Variants in SCAI observed in about 807,000 individuals in gnomAD.
SCAI encodes the protein protein SCAI.
In SCAI, 24 loss-of-function variants were observed where a neutral mutation model predicts 92.2. The observed-to-expected ratio is 0.26, with a 90% CI of 0.19 to 0.37. The LOEUF (loss-of-function observed/expected upper bound fraction) is 0.37, where lower values mean the gene tolerates loss of function less well. Ranked by LOEUF, SCAI falls within the 10% of genes least tolerant of loss-of-function variation. SCAI has a pLI of 1.00. For synonymous variants in SCAI, 261 were observed against 258.6 expected (o/e 1.01, Z -0.09); for missense variants, 450 against 736.2 (o/e 0.61, Z 4.50).
intron 9 of SCAI, among the ~76,000 whole-genome samples, chr9:125,016,268 G>T (rs1341513773): frequency 6.7e-6 from 1 of 150,366 alleles, no homozygotes; most frequent in Non-Finnish European, 1.5e-5. Flanking sequence ...CACACCTGTA[G>T]TCCCATCTAC....
At chr9:125,090,710 A>G (rs1183037073) in intron 2 of SCAI, among the ~76,000 whole-genome samples, 1 of 152,134 alleles carries the variant, frequency 6.6e-6, no homozygotes, top group African/African-American at 2.4e-5. Context: ...TGGACTCAAG[A>G]GATCTTCCCA....
intron 6 of SCAI, among the ~76,000 whole-genome samples, chr9:125,024,846 C>T (rs1290965267): frequency 6.6e-6 from 1 of 152,156 alleles, no homozygotes; most frequent in Non-Finnish European, 1.5e-5. Flanking sequence ...GTAATATCTC[C>T]TCTCCTAGGT....
intron 15 of SCAI, chr9:124,975,149 G>GT: frequency 3.3e-6 from 1 of 298,804 alleles, no homozygotes; most frequent in East Asian, 9.1e-5. Flanking sequence ...GAATTTTACC[G>GT]TTGTTTGAAG....
At chr9:125,050,956 G>T (rs538516172) in intron 3 of SCAI, among the ~76,000 whole-genome samples, 1 of 152,228 alleles carries the variant, frequency 6.6e-6, no homozygotes, top group East Asian at 1.9e-4. Flanking sequence ...AAATCCAAAA[G>T]CATTCAGAGA....
At chr9:125,139,958 G>A (rs1835627548) in intron 2 of SCAI, among the ~76,000 whole-genome samples, 1 of 152,318 alleles carries the variant, frequency 6.6e-6, no homozygotes, top group South Asian at 2.1e-4. Flanking sequence ...TGGGTATGGT[G>A]GCTCACGCCT....
chr9:125,073,643 C>A (rs976709139), intron 2 of SCAI, among the ~76,000 whole-genome samples: 1 of 152,248 alleles, frequency 6.6e-6, no homozygotes, highest in Non-Finnish European at 1.5e-5. Context: ...TGGCCATTTG[C>A]ATATCTTCTT....
chr9:125,132,517 C>T (rs1223354156), intron 2 of SCAI, among the ~76,000 whole-genome samples: 1 of 152,138 alleles, frequency 6.6e-6, no homozygotes, highest in Non-Finnish European at 1.5e-5. Flanking sequence ...AAAATCTATA[C>T]CTGAAGCCGT....
chr9:124,970,480 A>C (rs1258371556), intron 17 of SCAI, among the ~76,000 whole-genome samples: 1 of 152,018 alleles, frequency 6.6e-6, no homozygotes, highest in Non-Finnish European at 1.5e-5. Context: ...GCGCTTTGGA[A>C]GGCCAAGGCG....
chr9:125,055,733 G>T, intron 3 of SCAI, 143 bp downstream of exon 3: 1 of 504,590 alleles, frequency 2.0e-6, no homozygotes, highest in Non-Finnish European at 3.3e-6. Context: ...TAAAAATGAT[G>T]TCAAAGAAAA....
intron 3 of SCAI, among the ~76,000 whole-genome samples, chr9:125,046,701 A>AT (rs201449251): frequency 1.5e-5 from 2 of 133,268 alleles, no homozygotes; most frequent in Admixed American, 7.9e-5. Context: ...AACTACTGAA[A>AT]TTTAAAAAAA....
At chr9:125,089,986 T>A (rs1467782192) in intron 2 of SCAI, among the ~76,000 whole-genome samples, 2 of 152,152 alleles carry the variant, frequency 1.3e-5, no homozygotes, top group Non-Finnish European at 2.9e-5. Context: ...AAAGTTGAGG[T>A]GAAACCTAGA....
At chr9:125,046,183 A>G (rs1182259653) in intron 3 of SCAI, among the ~76,000 whole-genome samples, 2 of 123,882 alleles carry the variant, frequency 1.6e-5, no homozygotes, top group Non-Finnish European at 3.4e-5. Context: ...ACAAGTGAAT[A>G]AAGAAATTGT....
chr9:125,032,186 TATATA>T (rs1179655007), intron 3 of SCAI, among the ~76,000 whole-genome samples: 24 of 81,958 alleles, frequency 2.9e-4, no homozygotes, highest in African/African-American at 1.1e-3. Context: ...TATATATATA[TATATA>T]TATATTTTTT....
chr9:125,099,975 T>C (rs1156811664), intron 2 of SCAI, among the ~76,000 whole-genome samples: 3 of 152,242 alleles, frequency 2.0e-5, no homozygotes, highest in Non-Finnish European at 2.9e-5. Context: ...CTTTTGGCCA[T>C]TGTGAATAAT....
chr9:125,129,910 TTTTG>T (rs1264333723), intron 2 of SCAI, among the ~76,000 whole-genome samples: 4 of 152,018 alleles, frequency 2.6e-5, no homozygotes, highest in Non-Finnish European at 4.4e-5. Context: ...TTTTCTTTTT[TTTTG>T]TTGAGATGGA....
intron 17 of SCAI, among the ~76,000 whole-genome samples, chr9:124,969,326 ATTT>A (rs942941138): frequency 6.6e-6 from 1 of 152,144 alleles, no homozygotes; most frequent in Non-Finnish European, 1.5e-5. Context: ...GCTGCAAAAT[ATTT>A]TTTTAACTGT....
In SCAI at chr9:124,952,883, T is replaced by C. The variant is rs1212055948; in HGVS notation, c.1745A>G (p.Gln582Arg). The change falls in exon 18 of 18, where the codon CAG (glutamine) becomes CGG (arginine). Residue 582 changes from glutamine (Q) to arginine (R), a missense_variant. Transcript: ENST00000336505. ...RDETVENPHL[Q>R]KHILELASIL... ...GGATGCTAATTCCAAAATGTGCTTC[T>C]GGAGATGAGGATTCTCCACTGTTTC... 1.2e-6 allele frequency: 2 copies of C among 1,613,558 alleles called. No homozygotes were observed. The highest frequency in any genetic ancestry group is 2.2e-5 in the East Asian group (1 of 44,836).
At chr9:124,979,921 G>A (rs181683276) in intron 14 of SCAI, among the ~76,000 whole-genome samples, 3 of 151,890 alleles carry the variant, frequency 2.0e-5, no homozygotes, top group Non-Finnish European at 2.9e-5. Flanking sequence ...ATGGTGGCAG[G>A]TGCCTGTAGT....
intron 2 of SCAI, among the ~76,000 whole-genome samples, chr9:125,109,652 T>TC (rs1160152890): frequency 8.0e-6 from 1 of 124,654 alleles, no homozygotes; most frequent in East Asian, 2.3e-4. Context: ...AAGGTTTCCA[T>TC]TTATCTATCT....
Sources: allele counts gnomAD v4.1 joint callset (sites outside exome capture counted in the v4.1 genomes callset), GRCh38; gene constraint gnomAD v4.1.1; transcripts MANE v1.5; gene names NCBI Gene and HGNC (gene_info 2026-07-23, HGNC 2026-07-21).